Variants in DMD observed in about 807,000 individuals in gnomAD.
The protein encoded by DMD is dystrophin.
Under a neutral mutation model 330.1 loss-of-function variants are expected in DMD, and 63 were observed. That is an observed-to-expected ratio of 0.19 (90% CI 0.16 to 0.24). The LOEUF (loss-of-function observed/expected upper bound fraction) is 0.24. Among genes scored for constraint, DMD ranks in the 10% least tolerant of loss-of-function variants. The probability of loss-of-function intolerance (pLI) is 1.00; values close to 1 mark genes in which losing one functional copy is unlikely to be tolerated. For missense variants in DMD, 3,344 were observed against 2,684.1 expected (o/e 1.25, Z -5.43); for synonymous variants, 1,223 against 959.8 (o/e 1.27, Z -5.07).
At chrX:31,904,189 A>G (rs185651839) in intron 47 of DMD, among the ~76,000 whole-genome samples, 98 of 111,771 alleles carry the variant, frequency 8.8e-4, no homozygotes, top group Non-Finnish European at 1.7e-3. Context: ...ATATGAAGGA[A>G]TAAATTCAAT....
At chrX:32,790,038 A>C (rs1335249949) in intron 7 of DMD, among the ~76,000 whole-genome samples, 1 of 111,895 alleles carries the variant, frequency 8.9e-6, no homozygotes, top group Non-Finnish European at 1.9e-5. Context: ...CTCACTTTTC[A>C]ACTGGATATC....
rs1414274291 is a variant in DMD at position 33,124,497 on chromosome X, A to AC, written c.31+86784_31+86785insG. ...GTCTGAAAAAAAAAAAAAAAAAAAA[A>AC]AAAAAAAAAAAAACCGAAAGAAATA... On this transcript the variant is annotated intron_variant, in intron 1 of 78. Coordinates refer to ENST00000357033, the MANE Select transcript of DMD (RefSeq NM_004006.3). Among the ~76,000 whole-genome samples the AC allele has an allele frequency of 4.1e-3, 430 of 105,603 alleles. 2 individuals are homozygous for AC. The highest frequency in any genetic ancestry group is 0.014 in the African/African-American group (398 of 28,624). The allele number at this position is 105,603 out of a possible 115,157, so 91.7% of individuals were successfully genotyped here. A position where few individuals can be genotyped will look rare whatever the true frequency, so the allele number is the denominator to read the frequency against.
chrX:32,311,178 C>T (rs951096645), intron 41 of DMD, among the ~76,000 whole-genome samples: 7 of 111,198 alleles, frequency 6.3e-5, no homozygotes, highest in Admixed American at 9.6e-5. Context: ...ATTATTCTCC[C>T]AATAACTTTG....
At chrX:32,599,227 CA>C (rs914535318) in intron 12 of DMD, among the ~76,000 whole-genome samples, 4 of 111,295 alleles carry the variant, frequency 3.6e-5, no homozygotes, top group African/African-American at 9.8e-5. Flanking sequence ...TTAATATCAG[CA>C]AAATACAGAT....
At chrX:31,487,328 T>C (rs1163854842) in intron 57 of DMD, among the ~76,000 whole-genome samples, 1 of 108,846 alleles carries the variant, frequency 9.2e-6, no homozygotes, top group Non-Finnish European at 1.9e-5. Context: ...GTGCGCGATC[T>C]CGGCTCACTG....
intron 44 of DMD, among the ~76,000 whole-genome samples, chrX:32,064,573 A>G (rs1009945214): frequency 1.2e-4 from 13 of 111,682 alleles, no homozygotes; most frequent in Admixed American, 2.9e-4. Flanking sequence ...GTTTCTCAGC[A>G]TCTTAAAGGA....
intron 7 of DMD, among the ~76,000 whole-genome samples, chrX:32,745,659 T>C (rs1219913008): frequency 8.9e-6 from 1 of 112,290 alleles, no homozygotes; most frequent in African/African-American, 3.2e-5. Context: ...AATATACTGG[T>C]GTTTCTATTA....
chrX:31,209,902 T>C (rs771813313), intron 64 of DMD, among the ~76,000 whole-genome samples: 4 of 111,662 alleles, frequency 3.6e-5, no homozygotes, highest in Admixed American at 1.9e-4. Context: ...GGATCTGAAG[T>C]TGTTCTTAAA....
intron 44 of DMD, among the ~76,000 whole-genome samples, chrX:32,062,924 A>AC (rs1469951742): frequency 3.6e-5 from 4 of 110,861 alleles, no homozygotes; most frequent in Non-Finnish European, 7.6e-5. Flanking sequence ...AAGGAAAAAA[A>AC]AACACAGTAA....
intron 47 of DMD, among the ~76,000 whole-genome samples, chrX:31,885,625 AAAAAAAAAAAAAG>A (rs1232806913): frequency 3.4e-5 from 3 of 88,907 alleles, no homozygotes; most frequent in Admixed American, 1.4e-4. Context: ...AAAAAAAAAA[AAAAAAAAAAAAAG>A]AAAAAAAAAG....
At chrX:31,618,662 G>C (rs954997312) in intron 55 of DMD, among the ~76,000 whole-genome samples, 1 of 111,687 alleles carries the variant, frequency 9.0e-6, no homozygotes, top group African/African-American at 3.3e-5. Context: ...TCAAACTTAG[G>C]TTCAAATGCT....
At chrX:33,108,556 G>A (rs1316390447) in intron 1 of DMD, among the ~76,000 whole-genome samples, 1 of 107,344 alleles carries the variant, frequency 9.3e-6, no homozygotes, top group Admixed American at 1.0e-4. Context: ...ATGATCCACC[G>A]TGCTGGGCCC....
At chrX:32,205,035 A>ACACACACC (rs374467304) in intron 44 of DMD, among the ~76,000 whole-genome samples, 2,075 of 86,391 alleles carry the variant, frequency 0.024, 93 homozygotes, top group East Asian at 0.21. Flanking sequence ...ACACACACAC[A>ACACACACC]CACACACCCA....
intron 59 of DMD, among the ~76,000 whole-genome samples, chrX:31,473,720 A>AAAAAAAAAAAAAT (rs1310270784): frequency 9.6e-6 from 1 of 104,381 alleles, no homozygotes; most frequent in Non-Finnish European, 1.9e-5. Flanking sequence ...TCAAAAAAAA[A>AAAAAAAAAAAAAT]AAAAAAAAGA....
chrX:32,656,020 C>A lies in DMD; in HGVS notation c.961-10868G>T, dbSNP rs1011583002. 3.6e-5 allele frequency among the ~76,000 whole-genome samples: 4 copies of A among 111,254 alleles called. No individual in the cohort carries two copies. In the Admixed American group the frequency reaches 3.8e-4, roughly 11 times the overall value. ...TCCTACATTAAAAAAATGGCTCTGG[C>A]AAAGATTGCTCATCCTCCAATATGT... is the stretch of plus-strand genomic sequence containing the variant. On this transcript the variant is annotated intron_variant, in intron 9 of 78. Coordinates refer to ENST00000357033, the MANE Select transcript of DMD (RefSeq NM_004006.3).
At chrX:33,068,343 C>T (rs1025183975) in intron 1 of DMD, among the ~76,000 whole-genome samples, 2 of 111,883 alleles carry the variant, frequency 1.8e-5, no homozygotes, top group African/African-American at 6.5e-5. Context: ...AAATATTTTT[C>T]TAAGTTCTCC....
At chrX:31,210,010 C>T (rs1187735906) in intron 64 of DMD, among the ~76,000 whole-genome samples, 2 of 110,494 alleles carry the variant, frequency 1.8e-5, no homozygotes, top group Admixed American at 1.9e-4. Flanking sequence ...GCCTGTTCTA[C>T]ATAAACAGAG....
chrX:31,760,591 T>C (rs1053138868), intron 51 of DMD, among the ~76,000 whole-genome samples: 1 of 111,798 alleles, frequency 8.9e-6, no homozygotes, highest in African/African-American at 3.3e-5. Context: ...CCTAGATGTA[T>C]AGTAGGATGT....
intron 47 of DMD, among the ~76,000 whole-genome samples, chrX:31,918,942 A>T (rs1293629229): frequency 1.8e-5 from 2 of 112,012 alleles, no homozygotes; most frequent in Non-Finnish European, 3.8e-5. Context: ...CAGCCTCAAC[A>T]TCTTTCTTAA....
Sources: allele counts gnomAD v4.1 joint callset (sites outside exome capture counted in the v4.1 genomes callset), GRCh38; gene constraint gnomAD v4.1.1; transcripts MANE v1.5; gene names NCBI Gene and HGNC (gene_info 2026-07-23, HGNC 2026-07-21).